CCNH: variants seen among roughly 807,000 people sequenced by gnomAD.
CCNH encodes the protein cyclin H.
Under a neutral mutation model 41.9 loss-of-function variants are expected in CCNH, and 31 were observed. That is an observed-to-expected ratio of 0.74 (90% confidence interval 0.56 to 1.00). CCNH has a LOEUF of 1.00. CCNH is among the 50% of genes least tolerant of loss of function. The pLI is 0.00. For synonymous variants in CCNH, 138 were observed against 136.1 expected (o/e 1.01, Z -0.10); for missense variants, 362 against 388.4 (o/e 0.93, Z 0.57).
intron 8 of CCNH, 84 bp downstream of exon 8, chr5:87,394,960 C>T (rs781242567): frequency 1.9e-6 from 3 of 1,601,112 alleles, no homozygotes; most frequent in Non-Finnish European, 2.6e-6. Flanking sequence ...TGCCTGTACT[C>T]TTGGAGAATA....
downstream of CCNH, chr5:87,374,188 A>T: frequency 6.4e-7 from 1 of 1,560,444 alleles, no homozygotes; most frequent in Non-Finnish European, 8.7e-7. Context: ...TTACATATTG[A>T]AGAAGCCCAT....
chr5:87,349,331 A>G (rs764511293), intron 9 of CCNH: 3 of 1,611,920 alleles, frequency 1.9e-6, no homozygotes, highest in South Asian at 1.1e-5. Context: ...ACGCCAAACA[A>G]TCAGTTTATG....
intron 9 of CCNH, among the ~76,000 whole-genome samples, chr5:87,324,101 C>G (rs373397154): frequency 3.9e-5 from 6 of 152,122 alleles, no homozygotes; most frequent in Non-Finnish European, 7.4e-5. Flanking sequence ...AACCTTCAGA[C>G]GTAGTGATTT....
chr5:87,408,392 T>C (rs1018771058), intron 3 of CCNH, among the ~76,000 whole-genome samples: 7 of 152,152 alleles, frequency 4.6e-5, no homozygotes, highest in African/African-American at 1.7e-4. Flanking sequence ...AAGACAACTA[T>C]AAAATTAGGT....
chr5:87,409,228 A>G, intron 3 of CCNH, 62 bp downstream of exon 3: 2 of 968,688 alleles, frequency 2.1e-6, no homozygotes, highest in Non-Finnish European at 3.2e-6. Flanking sequence ...CTCCCAAAAA[A>G]TACTCAAAAG....
chr5:87,356,965 T>G (rs1759699550), intron 9 of CCNH, among the ~76,000 whole-genome samples: 1 of 152,132 alleles, frequency 6.6e-6, no homozygotes, highest in Admixed American at 6.5e-5. Flanking sequence ...CTTAGAACAG[T>G]ACCTGACATT....
At chr5:87,378,322 T>G, upstream of CCNH, 1 of 1,531,492 alleles carries the variant, frequency 6.5e-7, no homozygotes, top group Non-Finnish European at 9.0e-7. Context: ...GTAAAATGAA[T>G]TCACTTAATT....
chr5:87,406,564 A>G (rs1763805818), intron 4 of CCNH, among the ~76,000 whole-genome samples: 1 of 152,166 alleles, frequency 6.6e-6, no homozygotes, highest in Non-Finnish European at 1.5e-5. Context: ...CACTCAGGAA[A>G]TTCTCATTGG....
downstream of CCNH, chr5:87,390,962 C>A: frequency 1.4e-6 from 2 of 1,412,920 alleles, no homozygotes; most frequent in South Asian, 1.2e-5. Flanking sequence ...CTCCTTTGCT[C>A]TTGCCAAAAA....
At chr5:87,381,242 T>C (rs1179028724), upstream of CCNH, among the ~76,000 whole-genome samples, 1 of 152,208 alleles carries the variant, frequency 6.6e-6, no homozygotes, top group Non-Finnish European at 1.5e-5. Flanking sequence ...AGAGGTTAAG[T>C]TGAACTAAGG....
chr5:87,388,765 C>T (rs1190492112), downstream of CCNH, among the ~76,000 whole-genome samples: 2 of 152,150 alleles, frequency 1.3e-5, no homozygotes, highest in African/African-American at 4.8e-5. Context: ...TACTTATATG[C>T]ATTATCAACT....
At chr5:87,316,464 C>G (rs370363708), downstream of CCNH, among the ~76,000 whole-genome samples, 1 of 152,188 alleles carries the variant, frequency 6.6e-6, no homozygotes, top group East Asian at 1.9e-4. Flanking sequence ...ACCAAAGGTT[C>G]TTCTTCATTT....
At chr5:87,396,286 A>G (rs977394793) in intron 7 of CCNH, among the ~76,000 whole-genome samples, 1 of 152,200 alleles carries the variant, frequency 6.6e-6, no homozygotes, top group African/African-American at 2.4e-5. Context: ...CCCCATGGAT[A>G]CTGAAGGATG....
chr5:87,347,695 A>G (rs998632409), intron 9 of CCNH, among the ~76,000 whole-genome samples: 6 of 151,996 alleles, frequency 3.9e-5, no homozygotes, highest in South Asian at 2.1e-4. Flanking sequence ...GTGAAGCTGT[A>G]GGTTAAGTAG....
At chr5:87,387,018 A>G, downstream of CCNH, 1 of 995,970 alleles carries the variant, frequency 1.0e-6, no homozygotes, top group Non-Finnish European at 1.5e-6. Context: ...AAAAGACAAA[A>G]AGCCTGCAAA....
intron 9 of CCNH, among the ~76,000 whole-genome samples, chr5:87,358,230 CAA>C (rs111743082): frequency 1.3e-5 from 2 of 152,208 alleles, no homozygotes; most frequent in African/African-American, 4.8e-5. Context: ...CTTTTTGAGG[CAA>C]GCATTAGACA....
chr5:87,360,126 T>G (rs1216452760), intron 9 of CCNH, among the ~76,000 whole-genome samples: 3 of 142,206 alleles, frequency 2.1e-5, no homozygotes, highest in African/African-American at 8.8e-5. Flanking sequence ...AAAATGCAGT[T>G]TTTTTTTTTT....
intron 9 of CCNH, among the ~76,000 whole-genome samples, chr5:87,331,817 T>C (rs1346347220): frequency 2.6e-5 from 4 of 152,250 alleles, no homozygotes; most frequent in Admixed American, 2.6e-4. Flanking sequence ...GACTGCAGAA[T>C]AACAAAAAGT....
upstream of CCNH, among the ~76,000 whole-genome samples, chr5:87,377,635 T>G (rs1388708010): frequency 6.6e-6 from 1 of 152,216 alleles, no homozygotes; most frequent in Admixed American, 6.5e-5. Context: ...AATTTTTACT[T>G]CTTCATTACA....
Sources: gnomAD v4.1 joint callset for allele counts (sites outside exome capture counted in the v4.1 genomes callset) on GRCh38, gnomAD v4.1.1 for gene constraint, MANE v1.5 for transcripts, NCBI Gene and HGNC (gene_info 2026-07-23, HGNC 2026-07-21) for gene names.